Variants in PDE4D observed in about 807,000 individuals in gnomAD.
The protein encoded by PDE4D is phosphodiesterase 4D, also known as 3',5'-cyclic-AMP phosphodiesterase 4D.
A neutral mutation model predicts 87.4 loss-of-function variants in PDE4D; 24 were observed. The observed-to-expected ratio is 0.27, with a 90% CI of 0.20 to 0.39. PDE4D has a LOEUF of 0.39. Among genes scored for constraint, PDE4D ranks in the 10% least tolerant of loss-of-function variants. The pLI is 1.00. For missense variants in PDE4D, 714 were observed against 1,041.0 expected (o/e 0.69, Z 4.32); for synonymous variants, 384 against 383.2 (o/e 1.00, Z -0.02).
chr5:59,221,973 A>G (rs1028242394), intron 1 of PDE4D, among the ~76,000 whole-genome samples: 1 of 152,230 alleles, frequency 6.6e-6, no homozygotes, highest in Non-Finnish European at 1.5e-5. Context: ...ATGAGGGGGC[A>G]GTAACAGTAA....
rs12656663 is a variant in PDE4D, at chr5:59,328,692, A to G, written c.456-112724T>C. On this transcript the variant is annotated intron_variant, in intron 1 of 14. Transcript: ENST00000340635. ...ATTTTCCTCAGGTACTGAAATAATGACTAAAAACACCCTGTATTTGCATTG... is the reference window on the plus strand; with the variant it reads ...ATTTTCCTCAGGTACTGAAATAATGGCTAAAAACACCCTGTATTTGCATTG... Among the ~76,000 whole-genome samples, 21 of 152,324 alleles carry G rather than the reference A, an allele frequency of 1.4e-4. No homozygotes were observed. The East Asian group carries it at 3.5e-3, about 25-fold the overall frequency.
At chr5:60,052,033 T>C (rs1354001072) in intron 2 of PDE4D, among the ~76,000 whole-genome samples, 2 of 152,122 alleles carry the variant, frequency 1.3e-5, no homozygotes, top group African/African-American at 4.8e-5. Context: ...AAGTTCTGAA[T>C]TGAGGCAGTA....
chr5:59,081,612 G>T (rs1766792062), intron 5 of PDE4D, among the ~76,000 whole-genome samples: 1 of 150,670 alleles, frequency 6.6e-6, no homozygotes, highest in South Asian at 2.1e-4. Flanking sequence ...TGTCCATATG[G>T]TTATACAATT....
At chr5:59,327,681 T>A (rs1775968516) in intron 1 of PDE4D, among the ~76,000 whole-genome samples, 1 of 152,188 alleles carries the variant, frequency 6.6e-6, no homozygotes, top group South Asian at 2.1e-4. Context: ...GCCTCTCCAA[T>A]TTTACTGGGG....
At chr5:59,538,486 C>T (rs951359303) in intron 1 of PDE4D, among the ~76,000 whole-genome samples, 6 of 134,022 alleles carry the variant, frequency 4.5e-5, no homozygotes, top group East Asian at 5.3e-4. Flanking sequence ...TCCTGTTCCT[C>T]GCTGTCACAC....
chr5:60,043,569 G>T (rs932497534), intron 2 of PDE4D, among the ~76,000 whole-genome samples: 2 of 151,906 alleles, frequency 1.3e-5, no homozygotes, highest in African/African-American at 4.8e-5. Flanking sequence ...ACTCACAAAG[G>T]GAAGCACATC....
At chr5:59,879,855 C>T (rs1749180683) in intron 1 of PDE4D, among the ~76,000 whole-genome samples, 1 of 152,212 alleles carries the variant, frequency 6.6e-6, no homozygotes, top group Non-Finnish European at 1.5e-5. Flanking sequence ...ATTCTCCTGC[C>T]TCAGTCTCCT....
intron 1 of PDE4D, among the ~76,000 whole-genome samples, chr5:59,533,515 G>A (rs1009412719): frequency 4.6e-5 from 7 of 152,168 alleles, no homozygotes; most frequent in Non-Finnish European, 7.3e-5. Flanking sequence ...TTGTTTCTCT[G>A]GGCCTGTGAC....
At chr5:60,111,906 T>G (rs1401019707) in intron 2 of PDE4D, among the ~76,000 whole-genome samples, 1 of 152,104 alleles carries the variant, frequency 6.6e-6, no homozygotes, top group Non-Finnish European at 1.5e-5. Flanking sequence ...TAAAGATTTT[T>G]GTCTTTGCCA....
Position 60,496,898 on chromosome 5 carries a change from T to A in PDE4D, n.70+25153A>T, listed in dbSNP as rs16878160. Among the ~76,000 whole-genome samples, 1,442 of 152,348 alleles carry A rather than the reference T, an allele frequency of 9.5e-3. 13 individuals are homozygous for A. The highest frequency in any genetic ancestry group is 0.034 in the South Asian group (162 of 4,830). On this transcript the variant is annotated intron_variant and non_coding_transcript_variant, in intron 1 of 2. Transcript: ENST00000506510. ...TTGTTGTGTTTCATAACCTGTTTTG[T>A]ACCATTAAATAATTTTTCACATTAA... is the stretch of plus-strand genomic sequence containing the variant.
intron 1 of PDE4D, among the ~76,000 whole-genome samples, chr5:59,502,855 T>A (rs1375521418): frequency 6.6e-6 from 1 of 151,544 alleles, no homozygotes; most frequent in Non-Finnish European, 1.5e-5. Flanking sequence ...TATTTCTAAT[T>A]CTCAATCACA....
intron 1 of PDE4D, among the ~76,000 whole-genome samples, chr5:59,774,556 T>TG (rs917749621): frequency 1.5e-4 from 13 of 88,004 alleles, no homozygotes; most frequent in African/African-American, 1.1e-3. Flanking sequence ...TCTAGTTATA[T>TG]GGGGTTTTTT....
In PDE4D at chr5:58,999,992, A is replaced by T. The variant is rs372528843; in HGVS notation, c.922-6527T>A. On this transcript the variant is annotated intron_variant, in intron 6 of 14. Coordinates refer to ENST00000340635, the MANE Select transcript of PDE4D (RefSeq NM_001104631.2). ...CCCATAAAACCCCAACTCTGCACCA[A>T]TTGCATTCCAGCTCTTAGCCTATAA... 30 of 779,202 alleles carry T rather than the reference A, an allele frequency of 3.9e-5. No individual in the cohort carries two copies. The East Asian group carries it at 2.7e-3, about 70-fold the overall frequency. 48.3% of individuals were successfully genotyped at this position (779,202 alleles called of 1,614,324 possible).
intron 1 of PDE4D, among the ~76,000 whole-genome samples, chr5:60,517,865 G>C (rs570974886): frequency 6.6e-6 from 1 of 152,354 alleles, no homozygotes; most frequent in East Asian, 1.9e-4. Flanking sequence ...AACACAAACA[G>C]GGCTGAAACA....
intron 2 of PDE4D, among the ~76,000 whole-genome samples, chr5:60,108,403 A>G (rs1444000594): frequency 6.6e-6 from 1 of 152,226 alleles, no homozygotes; most frequent in Non-Finnish European, 1.5e-5. Context: ...ATGGGTCGGA[A>G]GAATCAATAT....
intron 2 of PDE4D, among the ~76,000 whole-genome samples, chr5:59,999,521 C>T (rs114206146): frequency 0.018 from 2,190 of 124,492 alleles, 63 homozygotes; most frequent in African/African-American, 0.063. Context: ...AGATGTATCC[C>T]GTGGTAAAAA....
intron 2 of PDE4D, among the ~76,000 whole-genome samples, chr5:60,095,427 C>T (rs777779619): frequency 4.6e-5 from 7 of 152,148 alleles, no homozygotes; most frequent in Non-Finnish European, 8.8e-5. Flanking sequence ...ATATGTGCCA[C>T]ATTTTTGTTA....
chr5:59,804,473 G>GC (rs1171365944), intron 1 of PDE4D, among the ~76,000 whole-genome samples: 1 of 152,070 alleles, frequency 6.6e-6, no homozygotes, highest in Non-Finnish European at 1.5e-5. Flanking sequence ...AATTGGACAG[G>GC]CCTGTGCATG....
At chr5:60,122,592 C>T (rs1778787768) in intron 2 of PDE4D, among the ~76,000 whole-genome samples, 1 of 152,212 alleles carries the variant, frequency 6.6e-6, no homozygotes, top group Non-Finnish European at 1.5e-5. Flanking sequence ...CACCTGGTCA[C>T]TAGACTGCAC....
Sources: allele counts gnomAD v4.1 joint callset (sites outside exome capture counted in the v4.1 genomes callset), GRCh38; gene constraint gnomAD v4.1.1; transcripts MANE v1.5; gene names NCBI Gene and HGNC (gene_info 2026-07-23, HGNC 2026-07-21).